The following GRIN3A variants were observed in gnomAD, a reference collection of about 807,000 sequenced individuals.
GRIN3A encodes glutamate receptor ionotropic, NMDA 3A.
Under a neutral mutation model 92.4 loss-of-function variants are expected in GRIN3A, and 47 were observed. That is an observed-to-expected ratio of 0.51 (90% CI 0.40 to 0.65). GRIN3A has a LOEUF of 0.65. Among genes scored for constraint, GRIN3A ranks in the 30% least tolerant of loss-of-function variants. GRIN3A has a pLI of 0.00. For missense variants in GRIN3A, 1,324 were observed against 1,393.1 expected (o/e 0.95, Z 0.79); for synonymous variants, 527 against 540.6 (o/e 0.97, Z 0.35).
intron 1 of GRIN3A, among the ~76,000 whole-genome samples, chr9:101,701,573 AG>A (rs1205167037): frequency 3.9e-5 from 6 of 152,170 alleles, no homozygotes; most frequent in Non-Finnish European, 7.3e-5. Context: ...CGAAAACCCT[AG>A]GAAAACAAAC....
At chr9:101,637,123 C>T (rs1280925825) in intron 3 of GRIN3A, among the ~76,000 whole-genome samples, 3 of 151,912 alleles carry the variant, frequency 2.0e-5, no homozygotes, top group East Asian at 3.9e-4. Flanking sequence ...GACAGAGTCT[C>T]GCTCTGTCGC....
chr9:101,605,805 G>A (rs566123172), intron 6 of GRIN3A, among the ~76,000 whole-genome samples: 1 of 152,282 alleles, frequency 6.6e-6, no homozygotes, highest in Admixed American at 6.5e-5. Flanking sequence ...TGCAATCAAG[G>A]TCTCTGGGTT....
chr9:101,570,126 C>G lies in GRIN3A; in HGVS notation c.*3048G>C, dbSNP rs1827738152. The G allele has an allele frequency of 6.6e-6, 1 of 152,136 alleles. No homozygotes were observed. The highest frequency in any genetic ancestry group is 1.5e-5 in the Non-Finnish European group (1 of 68,060). The allele number at this position is 152,136 out of a possible 1,614,324, so 9.4% of individuals were successfully genotyped here. ...TGTTTTTAAATTTTGGGAGATTCCC[C>G]TTTCTCCTCCACCTGGAAGCATACA... On this transcript the variant is annotated 3_prime_UTR_variant, in exon 9 of 9. Transcript: ENST00000361820.
At chr9:101,670,024 G>A (rs778611132) in intron 3 of GRIN3A, 36 bp downstream of exon 3, 1 of 1,415,894 alleles carries the variant, frequency 7.1e-7, no homozygotes, top group Non-Finnish European at 1.0e-6. Flanking sequence ...AATTATAATG[G>A]ACAATCAAGA....
intron 2 of GRIN3A, among the ~76,000 whole-genome samples, chr9:101,676,396 T>C (rs1272505025): frequency 1.3e-5 from 2 of 151,934 alleles, no homozygotes; most frequent in Non-Finnish European, 2.9e-5. Flanking sequence ...AATTAATTTT[T>C]CCCCCTGGGA....
intron 3 of GRIN3A, among the ~76,000 whole-genome samples, chr9:101,652,890 C>T (rs1829032587): frequency 6.6e-6 from 1 of 151,756 alleles, no homozygotes; most frequent in East Asian, 2.0e-4. Flanking sequence ...GTTAATGTTG[C>T]AAGACAGCTT....
At chr9:101,661,800 AT>A (rs1201234232) in intron 3 of GRIN3A, among the ~76,000 whole-genome samples, 1 of 151,872 alleles carries the variant, frequency 6.6e-6, no homozygotes, top group Non-Finnish European at 1.5e-5. Flanking sequence ...ATTTATGAGC[AT>A]TGCATAAACC....
chr9:101,696,241 T>A (rs1042731205), intron 1 of GRIN3A, among the ~76,000 whole-genome samples: 1 of 152,254 alleles, frequency 6.6e-6, no homozygotes, highest in Non-Finnish European at 1.5e-5. Context: ...GACCACATGA[T>A]ATTATGCATG....
intron 5 of GRIN3A, among the ~76,000 whole-genome samples, chr9:101,614,833 G>A (rs1046321630): frequency 1.3e-5 from 2 of 151,448 alleles, no homozygotes; most frequent in Admixed American, 1.3e-4. Flanking sequence ...TGCCCAGGCT[G>A]GTCTTGAACT....
intron 5 of GRIN3A, among the ~76,000 whole-genome samples, chr9:101,616,618 T>G (rs1588250191): frequency 6.6e-6 from 1 of 151,680 alleles, no homozygotes; most frequent in Non-Finnish European, 1.5e-5. Flanking sequence ...TCTCAAGCCT[T>G]TTTCTTTTAA....
intron 1 of GRIN3A, among the ~76,000 whole-genome samples, chr9:101,710,653 G>A (rs1265890512): frequency 2.0e-5 from 3 of 152,184 alleles, no homozygotes; most frequent in African/African-American, 4.8e-5. Flanking sequence ...AGGGAGGGAC[G>A]ACTGAGAAAA....
At position 101,569,764 on chromosome 9, in the gene GRIN3A, A is replaced by G. The variant is rs905428709; in HGVS notation, c.*3410T>C. On this transcript the variant is annotated 3_prime_UTR_variant, in exon 9 of 9. Transcript: ENST00000361820. Reference sequence around the variant, plus strand: ...ACTGGATGGGTTTTCTGTTTTTCCTATCAAAAATATGAGTTGGGAGAAAAA... The same window carrying G: ...ACTGGATGGGTTTTCTGTTTTTCCTGTCAAAAATATGAGTTGGGAGAAAAA... 5.3e-5 allele frequency: 8 copies of G among 152,144 alleles called. No individual in the cohort carries two copies. The highest frequency in any genetic ancestry group is 1.9e-4 in the African/African-American group (8 of 41,428). The allele number at this position is 152,144 out of a possible 1,614,324, so 9.4% of individuals were successfully genotyped here.
rs1326317667 is a variant in GRIN3A, at chr9:101,571,682, A to C, written c.*1492T>G. ...AACTTCTCAAACAGGTTTTCTCTTC[A>C]TGCTTCTCCTCCTGCCTGTGGGCAG... is the stretch of plus-strand genomic sequence containing the variant. On this transcript the variant is annotated 3_prime_UTR_variant, in exon 9 of 9. Coordinates refer to ENST00000361820, the MANE Select transcript of GRIN3A (RefSeq NM_133445.3). 2.0e-5 allele frequency: 3 copies of C among 152,234 alleles called. No homozygotes were observed. Among genetic ancestry groups the C allele is most frequent in the Non-Finnish European group, 4.4e-5 (3 of 68,066 alleles). 9.4% of individuals were successfully genotyped at this position (152,234 alleles called of 1,614,324 possible). A position where few individuals can be genotyped will look rare whatever the true frequency, so the allele number is the denominator to read the frequency against.
chr9:101,681,106 G>A (rs1829460311), intron 2 of GRIN3A, among the ~76,000 whole-genome samples: 1 of 152,144 alleles, frequency 6.6e-6, no homozygotes, highest in Non-Finnish European at 1.5e-5. Context: ...AGCACTTAGG[G>A]CCTTTAGGCA....
At chr9:101,710,995 A>T (rs1829870271) in intron 1 of GRIN3A, among the ~76,000 whole-genome samples, 1 of 152,246 alleles carries the variant, frequency 6.6e-6, no homozygotes, top group Admixed American at 6.5e-5. Flanking sequence ...AAAATAGGAC[A>T]ATATAACAAT....
chr9:101,647,051 G>A (rs1828947249), intron 3 of GRIN3A, among the ~76,000 whole-genome samples: 1 of 151,844 alleles, frequency 6.6e-6, no homozygotes, highest in Non-Finnish European at 1.5e-5. Context: ...AGTGGTAAAA[G>A]TGTGCATCCC....
At chr9:101,737,213 T>C in intron 1 of GRIN3A, 68 bp downstream of exon 1, 1 of 1,314,196 alleles carries the variant, frequency 7.6e-7, no homozygotes, top group Non-Finnish European at 1.1e-6. Flanking sequence ...CCGTTTTCTC[T>C]CCCCTCATGC....
At chr9:101,731,536 T>C (rs957439397) in intron 1 of GRIN3A, among the ~76,000 whole-genome samples, 2 of 152,290 alleles carry the variant, frequency 1.3e-5, no homozygotes, top group East Asian at 3.9e-4. Context: ...CTTAATTCTC[T>C]ACCACATGAA....
rs570649008 is a variant in GRIN3A, at chr9:101,585,360, C to A, written c.2767-6000G>T. The stretch of plus-strand genomic sequence containing the variant: ...TCAGTTTTTCAGCTACACTCATGTT[C>A]TCATTCAGAGTCAGCTTTAAATACC... On this transcript the variant is annotated intron_variant, in intron 6 of 8. Coordinates refer to ENST00000361820, the MANE Select transcript of GRIN3A (RefSeq NM_133445.3). 9.2e-5 allele frequency among the ~76,000 whole-genome samples: 14 copies of A among 152,270 alleles called. No individual in the cohort carries two copies. In the South Asian group the frequency reaches 2.9e-3, roughly 32 times the overall value.
Sources: gnomAD v4.1 joint callset for allele counts (sites outside exome capture counted in the v4.1 genomes callset) on GRCh38, gnomAD v4.1.1 for gene constraint, MANE v1.5 for transcripts, NCBI Gene and HGNC (gene_info 2026-07-23, HGNC 2026-07-21) for gene names.